The following BCAS4 variants were observed in gnomAD, a reference collection of about 807,000 sequenced individuals.
BCAS4 encodes breast carcinoma-amplified sequence 4.
Under a neutral mutation model 15.7 loss-of-function variants are expected in BCAS4, and 9 were observed. The ratio of observed to expected loss-of-function variants is 0.57; its 90% CI spans 0.34 to 1.00. The LOEUF is 1.00. Ranked by LOEUF, BCAS4 falls within the 50% of genes least tolerant of loss-of-function variation. The pLI is 0.02. For synonymous variants in BCAS4, 101 were observed against 99.5 expected, an observed-to-expected ratio of 1.02 and a Z score of -0.09; for missense variants, 225 against 239.1, an observed-to-expected ratio of 0.94 and a Z score of 0.39.
At chr20:50,877,768 G>A (rs151253326), downstream of BCAS4, 410 of 152,442 alleles carry the variant, frequency 2.7e-3, 6 homozygotes, top group South Asian at 0.019. Context: ...TAATGAATCT[G>A]GCAAGATAGA....
chr20:50,850,835 A>T (rs555278186), intron 4 of BCAS4, among the ~76,000 whole-genome samples: 2 of 152,262 alleles, frequency 1.3e-5, no homozygotes. Context: ...TCATCAGCAG[A>T]TGTTCTGAAG....
chr20:50,855,967 G>A (rs1203197819), intron 4 of BCAS4, among the ~76,000 whole-genome samples: 1 of 152,224 alleles, frequency 6.6e-6, no homozygotes, highest in East Asian at 1.9e-4. Context: ...AGAGGAACGA[G>A]CTCAAGGGAA....
intron 3 of BCAS4, among the ~76,000 whole-genome samples, chr20:50,839,015 T>G (rs1489894225): frequency 6.6e-6 from 1 of 151,928 alleles, no homozygotes; most frequent in Non-Finnish European, 1.5e-5. Flanking sequence ...GGAGGGAAGG[T>G]AGGGCTAGAT....
chr20:50,820,621 G>T (rs1348573350), intron 2 of BCAS4, among the ~76,000 whole-genome samples: 1 of 152,164 alleles, frequency 6.6e-6, no homozygotes, highest in African/African-American at 2.4e-5. Context: ...TGGGCATTCT[G>T]CGCAAGGAGA....
chr20:50,865,650 G>A (rs1365771033), intron 4 of BCAS4, among the ~76,000 whole-genome samples: 2 of 152,174 alleles, frequency 1.3e-5, no homozygotes, highest in Non-Finnish European at 2.9e-5. Flanking sequence ...GCAGCCCCAA[G>A]CCCTGTGCTT....
intron 1 of BCAS4, among the ~76,000 whole-genome samples, chr20:50,800,711 A>G (rs2087917284): frequency 6.6e-6 from 1 of 151,796 alleles, no homozygotes; most frequent in Non-Finnish European, 1.5e-5. Flanking sequence ...ACAGGTATGC[A>G]CTACCACGCC....
intron 2 of BCAS4, among the ~76,000 whole-genome samples, chr20:50,827,819 C>T (rs1350172835): frequency 6.6e-6 from 1 of 152,126 alleles, no homozygotes; most frequent in African/African-American, 2.4e-5. Context: ...CTCTGTTTAC[C>T]GGGTTTAAGC....
intron 4 of BCAS4, 25 bp downstream of exon 4, chr20:50,841,925 A>AG: frequency 6.5e-7 from 1 of 1,539,190 alleles, no homozygotes; most frequent in Non-Finnish European, 8.8e-7. Context: ...CCGAGAAGTG[A>AG]GGGGAGGGCC....
At chr20:50,826,803 TA>T (rs1043079858) in intron 2 of BCAS4, among the ~76,000 whole-genome samples, 1 of 152,026 alleles carries the variant, frequency 6.6e-6, no homozygotes, top group African/African-American at 2.4e-5. Context: ...ACCCTGTCTC[TA>T]CAAAAGATAA....
Position 50,851,298 on chromosome 20 carries a change from T to C in BCAS4, c.399+9398T>C, listed in dbSNP as rs868401506. ...ATGCAGCAGGAGCAGATAGCAAATA[T>C]GAGGACCACGACTGTGGAGGGCCGA... On this transcript the variant is annotated intron_variant, in intron 4 of 4. Transcript: ENST00000371608. This position sits in a 1 kb window ranked among gnomAD's most constrained non-coding sequence, Gnocchi z 4.3. Among the ~76,000 whole-genome samples, 5 of 151,962 alleles carry C rather than the reference T, an allele frequency of 3.3e-5. No individual in the cohort carries two copies. The highest frequency in any genetic ancestry group is 7.3e-5 in the African/African-American group (3 of 41,360).
At chr20:50,827,650 C>T (rs1354613142) in intron 2 of BCAS4, among the ~76,000 whole-genome samples, 1 of 152,196 alleles carries the variant, frequency 6.6e-6, no homozygotes. Context: ...GGAACACTTT[C>T]TTGCTTTCTG....
At chr20:50,857,066 T>TA (rs1198657903) in intron 4 of BCAS4, among the ~76,000 whole-genome samples, 1 of 152,354 alleles carries the variant, frequency 6.6e-6, no homozygotes, top group East Asian at 1.9e-4. Flanking sequence ...ATGATGGCAT[T>TA]TTAGAAGCAT....
intron 1 of BCAS4, among the ~76,000 whole-genome samples, chr20:50,810,589 G>GTTTTTT (rs11316235): frequency 7.4e-6 from 1 of 136,028 alleles, no homozygotes; most frequent in African/African-American, 2.7e-5. Context: ...TTTTTTTTGT[G>GTTTTTT]TTTTTTTTTT....
At chr20:50,872,127 G>C (rs1442999869) in intron 4 of BCAS4, among the ~76,000 whole-genome samples, 2 of 152,052 alleles carry the variant, frequency 1.3e-5, no homozygotes, top group Admixed American at 6.6e-5. Flanking sequence ...TGGTTGTGGT[G>C]GTGGGCGCCT....
At chr20:50,848,383 A>G (rs781287104) in intron 4 of BCAS4, among the ~76,000 whole-genome samples, 50 of 152,214 alleles carry the variant, frequency 3.3e-4, no homozygotes, top group Non-Finnish European at 5.9e-4. Flanking sequence ...GTCAGAAGAA[A>G]GAGCGCTCCC....
chr20:50,827,988 G>A (rs771061172), intron 2 of BCAS4, among the ~76,000 whole-genome samples: 7 of 151,746 alleles, frequency 4.6e-5, no homozygotes, highest in South Asian at 2.1e-4. Context: ...TTGGCCTCCC[G>A]AACTGCTGGG....
At chr20:50,837,282 A>C (rs1036037795) in intron 3 of BCAS4, among the ~76,000 whole-genome samples, 37 of 152,072 alleles carry the variant, frequency 2.4e-4, no homozygotes, top group Non-Finnish European at 5.9e-5. Flanking sequence ...GAAGCTGGGA[A>C]TTATTTGGTG....
At chr20:50,881,987 A>G (rs944720330), downstream of BCAS4, 1 of 152,220 alleles carries the variant, frequency 6.6e-6, no homozygotes, top group Non-Finnish European at 1.5e-5. Flanking sequence ...GAAGAAACAT[A>G]TTCTTGTACA....
At chr20:50,857,225 G>A (rs1336320074) in intron 4 of BCAS4, among the ~76,000 whole-genome samples, 3 of 152,180 alleles carry the variant, frequency 2.0e-5, no homozygotes, top group Admixed American at 6.5e-5. Flanking sequence ...TGGGCCTCCC[G>A]GGTTCAAGCA....
Sources: allele counts gnomAD v4.1 joint callset (sites outside exome capture counted in the v4.1 genomes callset), GRCh38; gene constraint gnomAD v4.1.1; non-coding constraint Gnocchi (gnomAD v3.1); transcripts MANE v1.5; gene names NCBI Gene and HGNC (gene_info 2026-07-23, HGNC 2026-07-21).